The following MBOAT1 variants were observed in gnomAD, a reference collection of about 807,000 sequenced individuals.
The protein encoded by MBOAT1 is membrane-bound glycerophospholipid O-acyltransferase 1.
A neutral mutation model predicts 64.4 loss-of-function variants in MBOAT1; 67 were observed. That is an observed-to-expected ratio of 1.04 (90% CI 0.85 to 1.27). MBOAT1 has a LOEUF of 1.27. Among genes scored for constraint, MBOAT1 ranks in the 50% most tolerant of loss-of-function variants. The pLI, the probability that MBOAT1 is intolerant of heterozygous loss-of-function variation, is 0.00. For missense variants in MBOAT1, 563 were observed against 604.6 expected (o/e 0.93, Z 0.72); for synonymous variants, 229 against 218.9 (o/e 1.05, Z -0.41).
At chr6:20,177,383 G>A (rs568346325) in intron 1 of MBOAT1, among the ~76,000 whole-genome samples, 4 of 152,062 alleles carry the variant, frequency 2.6e-5, no homozygotes, top group Non-Finnish European at 5.9e-5. Flanking sequence ...TTGTAGAGAC[G>A]CAGTCTTACT....
chr6:20,127,901 T>C (rs564139691), intron 6 of MBOAT1, among the ~76,000 whole-genome samples: 2 of 152,284 alleles, frequency 1.3e-5, no homozygotes, highest in South Asian at 2.1e-4. Context: ...TGGAGACTGC[T>C]GCCCTACAGC....
At chr6:20,187,491 C>T (rs1355297170) in intron 1 of MBOAT1, among the ~76,000 whole-genome samples, 8 of 152,208 alleles carry the variant, frequency 5.3e-5, no homozygotes, top group African/African-American at 1.9e-4. Context: ...TCAGAGAGTT[C>T]ACCTTCTCCT....
intron 4 of MBOAT1, among the ~76,000 whole-genome samples, chr6:20,135,233 A>C (rs1310551853): frequency 6.6e-6 from 1 of 152,176 alleles, no homozygotes; most frequent in Non-Finnish European, 1.5e-5. Flanking sequence ...AAAAAAGCCA[A>C]AGAAAAATCT....
At chr6:20,133,560 G>A (rs1183665728) in intron 4 of MBOAT1, among the ~76,000 whole-genome samples, 3 of 151,962 alleles carry the variant, frequency 2.0e-5, no homozygotes, top group Non-Finnish European at 2.9e-5. Flanking sequence ...GTCTCATTTT[G>A]CTCTTTCTGA....
chr6:20,211,406 C>A, intron 1 of MBOAT1, among the ~76,000 whole-genome samples: 1 of 152,166 alleles, frequency 6.6e-6, no homozygotes. Context: ...CCTGAAGAGA[C>A]AAGGAAATGA....
intron 1 of MBOAT1, among the ~76,000 whole-genome samples, chr6:20,157,813 C>T (rs893618878): frequency 6.6e-6 from 1 of 151,514 alleles, no homozygotes; most frequent in Non-Finnish European, 1.5e-5. Flanking sequence ...TAACAGTTAA[C>T]AGTAATAAAA....
Position 20,164,645 on chromosome 6 carries a change from A to AT in MBOAT1, c.100-11877dup, listed in dbSNP as rs397789583. ...GGGGGATAAGGCATCTTTTAAAAAA[A>AT]TTTTTTTTAAGTTCCAAGGTGATTT... On this transcript the variant is annotated intron_variant, in intron 1 of 12. Coordinates refer to ENST00000324607, the MANE Select transcript of MBOAT1 (RefSeq NM_001080480.3). 8.8e-4 allele frequency among the ~76,000 whole-genome samples: 134 copies of AT among 151,662 alleles called. 1 individual carries two copies. Among genetic ancestry groups the AT allele is most frequent in the African/African-American group, 2.9e-3 (120 of 41,296 alleles).
At chr6:20,181,424 C>T (rs924050714) in intron 1 of MBOAT1, among the ~76,000 whole-genome samples, 1 of 152,204 alleles carries the variant, frequency 6.6e-6, no homozygotes, top group African/African-American at 2.4e-5. Flanking sequence ...CCCTTTTCCA[C>T]CCCCACTTGA....
chr6:20,195,262 T>C (rs1453101454), intron 1 of MBOAT1, among the ~76,000 whole-genome samples: 1 of 152,268 alleles, frequency 6.6e-6, no homozygotes, highest in Non-Finnish European at 1.5e-5. Flanking sequence ...TAGACTTCTC[T>C]ATCTAATCTA....
intron 1 of MBOAT1, among the ~76,000 whole-genome samples, chr6:20,179,080 G>C (rs1762434459): frequency 6.6e-6 from 1 of 151,832 alleles, no homozygotes; most frequent in Non-Finnish European, 1.5e-5. Flanking sequence ...TATTCTTCCT[G>C]ATGCTCTCCC....
At chr6:20,158,496 A>G (rs999097863) in intron 1 of MBOAT1, among the ~76,000 whole-genome samples, 2 of 152,222 alleles carry the variant, frequency 1.3e-5, no homozygotes, top group Middle Eastern at 3.2e-3. Flanking sequence ...GGCGAAAACT[A>G]CATGACACAG....
chr6:20,103,535 G>A lies in MBOAT1; in HGVS notation c.1362-1123C>T, dbSNP rs530805450. ...CAACCTCCAACTCCTGGGTTCAAACGATTCTCCTGCCTCAGCCTTCCAAGT... is the reference window on the plus strand; with the variant it reads ...CAACCTCCAACTCCTGGGTTCAAACAATTCTCCTGCCTCAGCCTTCCAAGT... On this transcript the variant is annotated intron_variant, in intron 12 of 12. Coordinates refer to ENST00000324607, the MANE Select transcript of MBOAT1 (RefSeq NM_001080480.3). Among the ~76,000 whole-genome samples the A allele has an allele frequency of 1.7e-4, 26 of 152,096 alleles. 1 individual carries two copies. The South Asian group carries it at 3.9e-3, about 23-fold the overall frequency.
At chr6:20,193,778 TG>T (rs1338988732) in intron 1 of MBOAT1, among the ~76,000 whole-genome samples, 1 of 151,974 alleles carries the variant, frequency 6.6e-6, no homozygotes, top group East Asian at 1.9e-4. Flanking sequence ...AGCTAATTTT[TG>T]TATTTTTAGT....
chr6:20,207,715 C>A (rs1469579003), intron 1 of MBOAT1, among the ~76,000 whole-genome samples: 1 of 152,110 alleles, frequency 6.6e-6, no homozygotes, highest in Non-Finnish European at 1.5e-5. Context: ...GCTTACAAAC[C>A]CAGCAAGATA....
At chr6:20,162,411 G>A (rs1420943904) in intron 1 of MBOAT1, among the ~76,000 whole-genome samples, 2 of 152,094 alleles carry the variant, frequency 1.3e-5, no homozygotes, top group African/African-American at 4.8e-5. Context: ...CACCAGAGAG[G>A]GTTCTCCCAG....
Position 20,124,473 on chromosome 6 carries a change from C to T in MBOAT1, c.842G>A (p.Arg281Gln). The change falls in exon 8 of 13, where the codon CGA becomes CAA. Residue 281 changes from arginine (R) to glutamine (Q), a missense_variant. By Grantham distance (43) the Arg-to-Gln change is conservative. Coordinates refer to ENST00000324607, the MANE Select transcript of MBOAT1 (RefSeq NM_001080480.3). ...CATGACAACATATAAGTAGCAGAGTCGAGCCGGAAAGCTTGCTTTATGGAC... is the reference window on the plus strand; with the variant it reads ...CATGACAACATATAAGTAGCAGAGTTGAGCCGGAAAGCTTGCTTTATGGAC... ...WFVHKASFPA[R>Q]LCYLYVVMQA... 11 of 1,614,122 alleles carry T rather than the reference C, an allele frequency of 6.8e-6. No individual in the cohort carries two copies. Among genetic ancestry groups the T allele is most frequent in the Non-Finnish European group, 8.5e-6 (10 of 1,180,024 alleles).
At chr6:20,175,564 AG>A (rs1413321858) in intron 1 of MBOAT1, among the ~76,000 whole-genome samples, 1 of 151,678 alleles carries the variant, frequency 6.6e-6, no homozygotes, top group Non-Finnish European at 1.5e-5. Flanking sequence ...CTCCTGTCTC[AG>A]CCTCCCGAGT....
intron 2 of MBOAT1, among the ~76,000 whole-genome samples, chr6:20,152,350 TAAA>T (rs1761530524): frequency 8.1e-5 from 5 of 61,846 alleles, no homozygotes; most frequent in African/African-American, 2.8e-4. Flanking sequence ...AAAAAATAAA[TAAA>T]TAAATAAATA....
At chr6:20,127,517 A>G (rs530748219) in intron 6 of MBOAT1, among the ~76,000 whole-genome samples, 299 of 152,236 alleles carry the variant, frequency 2.0e-3, no homozygotes, top group Non-Finnish European at 2.2e-3. Context: ...CATCACTTAC[A>G]TTACCGCCTG....
Sources: allele counts gnomAD v4.1 joint callset (sites outside exome capture counted in the v4.1 genomes callset), GRCh38; gene constraint gnomAD v4.1.1; transcripts MANE v1.5; gene names NCBI Gene and HGNC (gene_info 2026-07-23, HGNC 2026-07-21).